Variants in PASD1 observed in about 807,000 individuals in gnomAD.
PASD1 encodes the protein PAS domain containing repressor 1.
Under a neutral mutation model 58.8 loss-of-function variants are expected in PASD1, and 13 were observed. The ratio of observed to expected loss-of-function variants is 0.22; its 90% CI spans 0.14 to 0.35. The LOEUF (loss-of-function observed/expected upper bound fraction) is 0.35. PASD1 is among the 10% of genes least tolerant of loss of function. The pLI, the probability that PASD1 is intolerant of heterozygous loss-of-function variation, is 1.00. For missense variants in PASD1, 734 were observed against 568.3 expected (o/e 1.29, Z -2.96); for synonymous variants, 236 against 216.7 (o/e 1.09, Z -0.78).
chrX:151,592,461 A>G lies in PASD1; in HGVS notation c.-27-9066A>G, dbSNP rs180743672. On this transcript the variant is annotated intron_variant, in intron 1 of 15. Coordinates refer to ENST00000370357, the MANE Select transcript of PASD1 (RefSeq NM_173493.3). ...TTAAGAACATGAAAAACGGGTTTGA[A>G]TAATTGTAGAGAGAGAACTTTTCTT... Among the ~76,000 whole-genome samples, 526 of 112,213 alleles carry G rather than the reference A, an allele frequency of 4.7e-3. 2 individuals are homozygous for G. The highest frequency in any genetic ancestry group is 7.5e-3 in the Non-Finnish European group (397 of 53,170).
At chrX:151,648,828 T>C in intron 9 of PASD1, 126 bp downstream of exon 9, 3 of 774,183 alleles carry the variant, frequency 3.9e-6, no homozygotes, top group Non-Finnish European at 5.5e-6. Context: ...TGTTCCACAG[T>C]TGCCATCTTG....
chrX:151,637,151 C>T (rs1387969810), intron 8 of PASD1, among the ~76,000 whole-genome samples: 1 of 112,272 alleles, frequency 8.9e-6, no homozygotes, highest in African/African-American at 3.2e-5. Context: ...TGAAGGACTT[C>T]TGTGTTATTG....
chrX:151,611,280 G>A (rs1332241713), intron 3 of PASD1, among the ~76,000 whole-genome samples: 1 of 111,871 alleles, frequency 8.9e-6, no homozygotes, highest in Non-Finnish European at 1.9e-5. Context: ...ATATTTATAA[G>A]GAGATGACTA....
chrX:151,627,493 A>G (rs970756548), intron 8 of PASD1, among the ~76,000 whole-genome samples: 7 of 110,676 alleles, frequency 6.3e-5, no homozygotes, highest in Non-Finnish European at 1.3e-4. Flanking sequence ...GCTGAGAATG[A>G]TGGTTTCCAG....
intron 1 of PASD1, among the ~76,000 whole-genome samples, chrX:151,586,069 T>C (rs770719536): frequency 9.0e-6 from 1 of 111,605 alleles, no homozygotes; most frequent in Admixed American, 9.5e-5. Context: ...GGGCTTCATG[T>C]ACAACCCAGG....
At chrX:151,584,451 G>A (rs2013139575) in intron 1 of PASD1, among the ~76,000 whole-genome samples, 1 of 111,973 alleles carries the variant, frequency 8.9e-6, no homozygotes, top group African/African-American at 3.2e-5. Flanking sequence ...GTGATAATGT[G>A]TACATTTGAG....
At chrX:151,630,115 T>G (rs2013849008) in intron 8 of PASD1, among the ~76,000 whole-genome samples, 1 of 112,236 alleles carries the variant, frequency 8.9e-6, no homozygotes, top group Non-Finnish European at 1.9e-5. Flanking sequence ...GTTTATCATG[T>G]AGGAAGTAAG....
intron 2 of PASD1, among the ~76,000 whole-genome samples, chrX:151,604,137 G>C (rs1291160509): frequency 9.0e-6 from 1 of 111,592 alleles, no homozygotes; most frequent in South Asian, 3.8e-4. Flanking sequence ...TAGGACAGAT[G>C]GGGGAGAGGA....
At chrX:151,617,591 CGTTGTCAG>C (rs67642721) in intron 4 of PASD1, among the ~76,000 whole-genome samples, 37,343 of 110,107 alleles carry the variant, frequency 0.34, 4,817 homozygotes, top group Non-Finnish European at 0.39. Context: ...CATTGGAATT[CGTTGTCAG>C]GTTCATCTTT....
chrX:151,605,746 A>G, intron 3 of PASD1, among the ~76,000 whole-genome samples: 1 of 110,144 alleles, frequency 9.1e-6, no homozygotes, highest in East Asian at 2.9e-4. Context: ...CCAGAGGTGC[A>G]CACTACTATG....
chrX:151,572,649 C>G (rs931714950), intron 1 of PASD1, among the ~76,000 whole-genome samples: 3 of 111,058 alleles, frequency 2.7e-5, no homozygotes. Context: ...GATTGTTTTA[C>G]TGATTGGCTG....
intron 1 of PASD1, among the ~76,000 whole-genome samples, chrX:151,597,546 C>T (rs1410771592): frequency 9.0e-6 from 1 of 111,361 alleles, no homozygotes; most frequent in Non-Finnish European, 1.9e-5. Flanking sequence ...TCCCATGTTT[C>T]TTGATTAATC....
intron 11 of PASD1, 113 bp downstream of exon 11, chrX:151,664,461 A>T: frequency 9.1e-7 from 1 of 1,094,175 alleles, no homozygotes; most frequent in East Asian, 3.3e-5. Context: ...TATGTTTGTT[A>T]CTTTTTCAAA....
intron 10 of PASD1, among the ~76,000 whole-genome samples, chrX:151,660,687 A>G (rs1010286381): frequency 1.8e-5 from 2 of 112,584 alleles, no homozygotes; most frequent in African/African-American, 3.2e-5. Context: ...TGTTAAGCCA[A>G]TGATGGAGAA....
At chrX:151,597,365 T>G (rs1376077690) in intron 1 of PASD1, among the ~76,000 whole-genome samples, 1 of 112,294 alleles carries the variant, frequency 8.9e-6, no homozygotes, top group Non-Finnish European at 1.9e-5. Flanking sequence ...TTGTAGAGTT[T>G]ATTCAGGTTT....
chrX:151,599,919 G>A lies in PASD1; in HGVS notation c.-27-1608G>A, dbSNP rs774000184. 5.7e-3 allele frequency among the ~76,000 whole-genome samples: 642 copies of A among 111,884 alleles called. 2 individuals carry two copies. Among genetic ancestry groups the A allele is most frequent in the Non-Finnish European group, 8.6e-3 (456 of 53,123 alleles). On this transcript the variant is annotated intron_variant, in intron 1 of 15. Coordinates refer to ENST00000370357, the MANE Select transcript of PASD1 (RefSeq NM_173493.3). Reference sequence around the variant, plus strand: ...TTTGGGAGGCCAAGGCAGGCGGCTGGGAGGTGGAGGTTGTAGCGAGCCGAG... The same window carrying A: ...TTTGGGAGGCCAAGGCAGGCGGCTGAGAGGTGGAGGTTGTAGCGAGCCGAG...
chrX:151,670,338 G>A lies in PASD1; in HGVS notation c.1072-700G>A, dbSNP rs186748865. ...CTGATGAATAAAATCCAAGTTCCTC[G>A]GCTGCCTGAACCTGTACAAAACTCT... On this transcript the variant is annotated intron_variant, in intron 11 of 15. Coordinates refer to ENST00000370357, the MANE Select transcript of PASD1 (RefSeq NM_173493.3). 3.8e-3 allele frequency among the ~76,000 whole-genome samples: 423 copies of A among 111,738 alleles called. 3 individuals are homozygous for A. The highest frequency in any genetic ancestry group is 9.3e-3 in the Middle Eastern group (2 of 216).
chrX:151,671,371 T>C (rs1453944875), intron 12 of PASD1, among the ~76,000 whole-genome samples, 175 bp downstream of exon 12: 1 of 112,038 alleles, frequency 8.9e-6, no homozygotes, highest in African/African-American at 3.2e-5. Flanking sequence ...AGCAGGGACT[T>C]AGAGTTTTGC....
intron 9 of PASD1, among the ~76,000 whole-genome samples, chrX:151,656,024 T>C (rs992449037): frequency 3.6e-5 from 4 of 112,266 alleles, no homozygotes; most frequent in Non-Finnish European, 5.6e-5. Context: ...CTTGAATTAA[T>C]TTTTGTATAA....
Sources: allele counts gnomAD v4.1 joint callset (sites outside exome capture counted in the v4.1 genomes callset), GRCh38; gene constraint gnomAD v4.1.1; transcripts MANE v1.5; gene names NCBI Gene and HGNC (gene_info 2026-07-23, HGNC 2026-07-21).